Variants in SFMBT1 observed in about 807,000 individuals in gnomAD.
SFMBT1 encodes the protein scm-like with four MBT domains protein 1.
A neutral mutation model predicts 108.7 loss-of-function variants in SFMBT1; 32 were observed. That is an observed-to-expected ratio of 0.29 (90% CI 0.22 to 0.40). The LOEUF (loss-of-function observed/expected upper bound fraction) is 0.40, where lower values mean the gene tolerates loss of function less well. Among genes scored for constraint, SFMBT1 ranks in the 10% least tolerant of loss-of-function variants. The pLI is 1.00. For missense variants in SFMBT1, 816 were observed against 1,059.6 expected, an observed-to-expected ratio of 0.77 and a Z score of 3.19; for synonymous variants, 348 against 369.5, an observed-to-expected ratio of 0.94 and a Z score of 0.67.
intron 8 of SFMBT1, among the ~76,000 whole-genome samples, chr3:52,928,649 TATATAC>T (rs1242914448): frequency 1.5e-4 from 14 of 93,840 alleles, no homozygotes; most frequent in African/African-American, 4.5e-4. Context: ...TATATATATA[TATATAC>T]ACATATATAC....
At chr3:52,993,094 AGTT>A (rs1705194440) in intron 1 of SFMBT1, among the ~76,000 whole-genome samples, 1 of 152,046 alleles carries the variant, frequency 6.6e-6, no homozygotes, top group Non-Finnish European at 1.5e-5. Flanking sequence ...ATGCTGTATC[AGTT>A]GTTTTTTTTT....
Position 52,916,149 on chromosome 3 carries a change from C to T in SFMBT1, c.1480+1G>A. On this transcript the variant is annotated splice_donor_variant, in intron 14 of 20. Transcript: ENST00000394752. LOFTEE classifies it high-confidence loss of function. ...TTCCTTAAGATGACATGTGCTTATA[C>T]CTGACTCTGTGGAGTTCAGCTCCTG... 6.2e-7 allele frequency: 1 copy of T among 1,613,636 alleles called. No individual in the cohort carries two copies. Among genetic ancestry groups the T allele is most frequent in the Non-Finnish European group, 8.5e-7 (1 of 1,179,662 alleles).
intron 7 of SFMBT1, 108 bp downstream of exon 7, chr3:52,930,833 C>T: frequency 2.5e-6 from 2 of 797,832 alleles, no homozygotes; most frequent in East Asian, 2.6e-5. Flanking sequence ...CTTCAGAGAC[C>T]ATGGCATTCT....
At chr3:53,035,633 G>A (rs1699845151) in intron 1 of SFMBT1, among the ~76,000 whole-genome samples, 1 of 152,196 alleles carries the variant, frequency 6.6e-6, no homozygotes, top group African/African-American at 2.4e-5. Context: ...GTCTCACTCT[G>A]TTGCCCAGGC....
At chr3:52,960,231 T>A (rs1437438467) in intron 2 of SFMBT1, among the ~76,000 whole-genome samples, 1 of 151,960 alleles carries the variant, frequency 6.6e-6, no homozygotes, top group African/African-American at 2.4e-5. Flanking sequence ...ACATGCATAT[T>A]AATATAAGAG....
chr3:52,999,357 A>C (rs1380979321), intron 1 of SFMBT1, among the ~76,000 whole-genome samples: 1 of 149,764 alleles, frequency 6.7e-6, no homozygotes, highest in African/African-American at 2.4e-5. Flanking sequence ...TCCTCTGACC[A>C]GGCCTGCGGG....
chr3:52,943,032 C>T (rs559381259), intron 4 of SFMBT1, among the ~76,000 whole-genome samples: 3 of 152,304 alleles, frequency 2.0e-5, no homozygotes, highest in African/African-American at 4.8e-5. Flanking sequence ...ATCAACAGCA[C>T]ATCAGTCTGG....
intron 1 of SFMBT1, among the ~76,000 whole-genome samples, chr3:53,017,279 T>A (rs1366643860): frequency 6.6e-6 from 1 of 152,226 alleles, no homozygotes; most frequent in African/African-American, 2.4e-5. Context: ...ATGTGATCTC[T>A]GGATAAAACA....
At chr3:52,965,427 C>CAA (rs35581240) in intron 2 of SFMBT1, among the ~76,000 whole-genome samples, 74 of 133,624 alleles carry the variant, frequency 5.5e-4, no homozygotes, top group Admixed American at 1.3e-3. Context: ...AAACTAAAGG[C>CAA]AAAAAAAAAA....
rs76066201 is a variant in SFMBT1 at position 53,026,398 on chromosome 3, A to C, written c.-131+19418T>G. Among the ~76,000 whole-genome samples, 944 of 152,346 alleles carry C rather than the reference A, an allele frequency of 6.2e-3. 15 individuals carry two copies. The highest frequency in any genetic ancestry group is 0.022 in the African/African-American group (907 of 41,574). ...TAGAAAGGAAAGATTCTAAAAACACACAAAACCATAAGTCAAGACAGCAAA... is the reference window on the plus strand; with the variant it reads ...TAGAAAGGAAAGATTCTAAAAACACCCAAAACCATAAGTCAAGACAGCAAA... On this transcript the variant is annotated intron_variant, in intron 1 of 20. Transcript: ENST00000394752.
intron 3 of SFMBT1, among the ~76,000 whole-genome samples, chr3:52,944,727 G>T (rs1703301307): frequency 6.6e-6 from 1 of 152,004 alleles, no homozygotes; most frequent in South Asian, 2.1e-4. Context: ...CACCATGTTG[G>T]CCAGGCTGGT....
rs749148318 is a variant in SFMBT1, at chr3:52,916,183, G to A, written c.1447C>T (p.Leu483=). 1 of 1,614,016 alleles carries A rather than the reference G, an allele frequency of 6.2e-7. No homozygotes were observed. Among genetic ancestry groups the A allele is most frequent in the Non-Finnish European group, 8.5e-7 (1 of 1,179,986 alleles). The change falls in exon 14 of 21, where the codon CTG becomes TTG. Residue 483 remains leucine, a synonymous_variant. Transcript: ENST00000394752. ...VPSSRTVHEG[L]RNQELNSTES... ...GTGGAGTTCAGCTCCTGATTCCTCA[G>A]GCCCTCGTGGACAGTCCTCGAGGAT...
At chr3:52,984,726 C>CTGTG (rs57308874) in intron 1 of SFMBT1, among the ~76,000 whole-genome samples, 14,813 of 140,018 alleles carry the variant, frequency 0.11, 848 homozygotes, top group Middle Eastern at 0.16. Context: ...ATACTAAATA[C>CTGTG]TGTGTGTGTG....
chr3:52,960,265 T>TA (rs1017428258), intron 2 of SFMBT1, among the ~76,000 whole-genome samples: 1 of 152,012 alleles, frequency 6.6e-6, no homozygotes, highest in African/African-American at 2.4e-5. Context: ...ATGAAAAGAA[T>TA]ACGTATCAAC....
At chr3:53,028,166 C>T (rs1351185727) in intron 1 of SFMBT1, among the ~76,000 whole-genome samples, 1 of 152,202 alleles carries the variant, frequency 6.6e-6, no homozygotes. Context: ...ACACAGCTCA[C>T]TTGGAGGCAG....
rs114432756 is a variant in SFMBT1, at chr3:52,958,195, C to G, written c.29-3784G>C. 8.5e-5 allele frequency among the ~76,000 whole-genome samples: 13 copies of G among 152,182 alleles called. No homozygotes were observed. The East Asian group carries it at 2.5e-3, about 29-fold the overall frequency. On this transcript the variant is annotated intron_variant, in intron 2 of 20. Transcript: ENST00000394752. ...CAAAAGAAGACATTTATGTGGGCAA[C>G]AAACATAAAAAAAAGCTCAACATCA...
At chr3:52,984,258 T>C (rs1038695754) in intron 1 of SFMBT1, among the ~76,000 whole-genome samples, 2 of 152,110 alleles carry the variant, frequency 1.3e-5, no homozygotes, top group Non-Finnish European at 2.9e-5. Context: ...GTTCTTGGAG[T>C]TTTCAGGAAA....
Position 53,027,740 on chromosome 3 carries a change from C to T in SFMBT1, c.-131+18076G>A, listed in dbSNP as rs1030236637. ...TGAGAAAGGTCACTAAAGCAGAGTC[C>T]GTATGTAAATTCGTTAGGCATCATC... On this transcript the variant is annotated intron_variant, in intron 1 of 20. Coordinates refer to ENST00000394752, the MANE Select transcript of SFMBT1 (RefSeq NM_016329.4). Among the ~76,000 whole-genome samples the T allele has an allele frequency of 2.6e-5, 4 of 152,108 alleles. No homozygotes were observed. The South Asian group carries it at 6.2e-4, about 24-fold the overall frequency.
At chr3:52,918,269 T>C (rs1211325548) in intron 13 of SFMBT1, among the ~76,000 whole-genome samples, 2 of 152,236 alleles carry the variant, frequency 1.3e-5, no homozygotes, top group Non-Finnish European at 2.9e-5. Context: ...CAAAGAAAAC[T>C]CAATTTAGAC....
Sources: allele counts gnomAD v4.1 joint callset (sites outside exome capture counted in the v4.1 genomes callset), GRCh38; gene constraint gnomAD v4.1.1; transcripts MANE v1.5; gene names NCBI Gene and HGNC (gene_info 2026-07-23, HGNC 2026-07-21).